The following CNIH1 variants were observed in gnomAD, a reference collection of about 807,000 sequenced individuals.
CNIH1 encodes the protein protein cornichon homolog 1.
CNIH1 carries 12 observed loss-of-function variants against 20.2 expected under a neutral mutation model. The ratio of observed to expected loss-of-function variants is 0.59; its 90% CI spans 0.38 to 0.96. The LOEUF is 0.96. Ranked by LOEUF, CNIH1 falls within the 40% of genes least tolerant of loss-of-function variation. The probability of loss-of-function intolerance (pLI) is 0.00; values close to 1 mark genes in which losing one functional copy is unlikely to be tolerated. For missense variants in CNIH1, 152 were observed against 178.8 expected (o/e 0.85, Z 0.85); for synonymous variants, 69 against 63.3 (o/e 1.09, Z -0.43).
intron 3 of CNIH1, among the ~76,000 whole-genome samples, chr14:54,430,780 C>T (rs2030926117): frequency 6.6e-6 from 1 of 152,128 alleles, no homozygotes; most frequent in African/African-American, 2.4e-5. Flanking sequence ...TTTGCTTTCT[C>T]CTTCTCTTTC....
chr14:54,436,597 A>G, intron 1 of CNIH1, 160 bp from the exon 2 acceptor site: 1 of 595,130 alleles, frequency 1.7e-6, no homozygotes, highest in Non-Finnish European at 3.0e-6. Context: ...GACAAAAAGA[A>G]CCAGAATGCG....
At chr14:54,430,502 TC>T in intron 3 of CNIH1, 98 bp from the exon 4 acceptor site, 1 of 1,164,302 alleles carries the variant, frequency 8.6e-7, no homozygotes, top group East Asian at 2.4e-5. Flanking sequence ...CGAGAGGTGG[TC>T]CATAAAGGGA....
In CNIH1 at chr14:54,424,579, A is replaced by G. The variant is rs2030790102; in HGVS notation, c.*3235T>C. The G allele has an allele frequency of 1.3e-5, 2 of 152,224 alleles. No homozygotes were observed. Among genetic ancestry groups the G allele is most frequent in the South Asian group, 2.1e-4 (1 of 4,834 alleles). The allele number at this position is 152,224 out of a possible 1,614,324, so 9.4% of individuals were successfully genotyped here. On this transcript the variant is annotated 3_prime_UTR_variant, in exon 5 of 5. Transcript: ENST00000216416. ...CACGAACTCTATTCATAAACATAGA[A>G]GGAGAAGAGAGGTGTTGTACAAAGG...
At chr14:54,431,014 G>C (rs919267356) in intron 3 of CNIH1, among the ~76,000 whole-genome samples, 1 of 151,720 alleles carries the variant, frequency 6.6e-6, no homozygotes, top group African/African-American at 2.4e-5. Context: ...TTTGTAGAGG[G>C]GGGTTTTGCC....
At position 54,430,316 on chromosome 14, in the gene CNIH1, C is replaced by T. The variant is rs1204225671; in HGVS notation, c.352G>A (p.Glu118Lys). Residue 118 changes from glutamate (E) to lysine (K), a missense_variant, in exon 4 of 5, where the codon GAA (glutamate) becomes AAA (lysine). By Grantham distance (56) the Glu-to-Lys change is moderately conservative. Around this residue, in one of 3 missense-constraint regions of CNIH1, gnomAD observed 27 missense variants for 55.4 expected, o/e 0.49. Transcript: ENST00000216416. ...TAAAAAGCTAATTTGCACCATCCTTCCTTCTGACAATATGCTAGAATATCT... is the reference window on the plus strand; with the variant it reads ...TAAAAAGCTAATTTGCACCATCCTTTCTTCTGACAATATGCTAGAATATCT... ...NADILAYCQK[E>K]GWCKLAFYLL... The T allele has an allele frequency of 6.2e-7, 1 of 1,614,004 alleles. No individual in the cohort carries two copies. The highest frequency in any genetic ancestry group is 8.5e-7 in the Non-Finnish European group (1 of 1,179,970).
At chr14:54,432,523 A>G (rs2030969923) in intron 2 of CNIH1, among the ~76,000 whole-genome samples, 1 of 152,262 alleles carries the variant, frequency 6.6e-6, no homozygotes, top group Admixed American at 6.5e-5. Flanking sequence ...ATTGTTAAAC[A>G]ATATGCTAGT....
rs2030834409 is a variant in CNIH1, at chr14:54,426,728, G to A, written c.*1086C>T. 1 of 152,090 alleles carries A rather than the reference G, an allele frequency of 6.6e-6. No homozygotes were observed. The highest frequency in any genetic ancestry group is 1.5e-5 in the Non-Finnish European group (1 of 68,000). The allele number at this position is 152,090 out of a possible 1,614,324, so 9.4% of individuals were successfully genotyped here. A position where few individuals can be genotyped will look rare whatever the true frequency, so the allele number is the denominator to read the frequency against. Reference sequence around the variant, plus strand: ...GAAATGATGATGCTATGCCATCCACGTTTATGAATCTTGTCAAATGACAAA... The same window carrying A: ...GAAATGATGATGCTATGCCATCCACATTTATGAATCTTGTCAAATGACAAA... On this transcript the variant is annotated 3_prime_UTR_variant, in exon 5 of 5. Coordinates refer to ENST00000216416, the MANE Select transcript of CNIH1 (RefSeq NM_005776.3).
intron 3 of CNIH1, among the ~76,000 whole-genome samples, chr14:54,431,472 T>C (rs558164533): frequency 6.6e-6 from 1 of 152,322 alleles, no homozygotes; most frequent in African/African-American, 2.4e-5. Context: ...GTAGACCTGA[T>C]AACACTTTAC....
chr14:54,426,936 A>C lies in CNIH1; in HGVS notation c.*878T>G, dbSNP rs2030838305. ...AAACAATGCACTGAAAGTGAGTCTT[A>C]ATTTCAGAGTTTTATTGTATTGCAC... On this transcript the variant is annotated 3_prime_UTR_variant, in exon 5 of 5. Coordinates refer to ENST00000216416, the MANE Select transcript of CNIH1 (RefSeq NM_005776.3). 6.6e-6 allele frequency: 1 copy of C among 152,160 alleles called. No individual in the cohort carries two copies. The highest frequency in any genetic ancestry group is 1.5e-5 in the Non-Finnish European group (1 of 67,998). 9.4% of individuals were successfully genotyped at this position (152,160 alleles called of 1,614,324 possible).
At chr14:54,435,979 G>T in intron 2 of CNIH1, 2 of 653,038 alleles carry the variant, frequency 3.1e-6, no homozygotes, top group South Asian at 3.3e-5. Context: ...ACAGGCATAT[G>T]AACGAGCACA....
At chr14:54,439,161 T>C (rs570651413) in intron 1 of CNIH1, among the ~76,000 whole-genome samples, 7 of 152,162 alleles carry the variant, frequency 4.6e-5, no homozygotes, top group Non-Finnish European at 8.8e-5. Context: ...ATGATAAACA[T>C]AAGGTTATAT....
At position 54,425,678 on chromosome 14, in the gene CNIH1, T is replaced by C. The variant is rs2030814115; in HGVS notation, c.*2136A>G. Reference sequence around the variant, plus strand: ...TTAGGAGAGCAGGTACTCAATCTTTTAATCACTTACATGCCTAGGAACTCA... The same window carrying C: ...TTAGGAGAGCAGGTACTCAATCTTTCAATCACTTACATGCCTAGGAACTCA... On this transcript the variant is annotated 3_prime_UTR_variant, in exon 5 of 5. Coordinates refer to ENST00000216416, the MANE Select transcript of CNIH1 (RefSeq NM_005776.3). 6.6e-6 allele frequency: 1 copy of C among 152,206 alleles called. No homozygotes were observed. Among genetic ancestry groups the C allele is most frequent in the Admixed American group, 6.5e-5 (1 of 15,284 alleles). The allele number at this position is 152,206 out of a possible 1,614,324, so 9.4% of individuals were successfully genotyped here. A position where few individuals can be genotyped will look rare whatever the true frequency, so the allele number is the denominator to read the frequency against.
intron 3 of CNIH1, among the ~76,000 whole-genome samples, chr14:54,430,868 G>A (rs2030928450): frequency 6.6e-6 from 1 of 151,958 alleles, no homozygotes. Context: ...GTCTTACCCT[G>A]TAACCCAGGC....
chr14:54,435,868 C>T (rs1211819852), intron 2 of CNIH1, among the ~76,000 whole-genome samples: 2 of 152,150 alleles, frequency 1.3e-5, no homozygotes, highest in Non-Finnish European at 2.9e-5. Context: ...ATGGCTATAA[C>T]ATAAAAAAAC....
At chr14:54,439,160 A>G (rs1425153211) in intron 1 of CNIH1, among the ~76,000 whole-genome samples, 1 of 152,248 alleles carries the variant, frequency 6.6e-6, no homozygotes, top group Admixed American at 6.5e-5. Flanking sequence ...GATGATAAAC[A>G]TAAGGTTATA....
rs1336633839 is a variant in CNIH1 at position 54,424,876 on chromosome 14, A to G, written c.*2938T>C. 2 of 152,150 alleles carry G rather than the reference A, an allele frequency of 1.3e-5. No individual in the cohort carries two copies. The highest frequency in any genetic ancestry group is 3.9e-4 in the East Asian group (2 of 5,130). 9.4% of individuals were successfully genotyped at this position (152,150 alleles called of 1,614,324 possible). The stretch of plus-strand genomic sequence containing the variant: ...TCATGGTACAATCAGTGAGGCTAGG[A>G]AACTATTACTTATACTCGATCCATA... On this transcript the variant is annotated 3_prime_UTR_variant, in exon 5 of 5. Coordinates refer to ENST00000216416, the MANE Select transcript of CNIH1 (RefSeq NM_005776.3).
At chr14:54,430,205 G>A (rs2030905984) in intron 4 of CNIH1, 56 bp downstream of exon 4, 5 of 1,570,854 alleles carry the variant, frequency 3.2e-6, no homozygotes, top group Non-Finnish European at 4.4e-6. Flanking sequence ...CATAATGCCT[G>A]CAAACTTTTA....
Position 54,432,334 on chromosome 14 carries a change from C to T in CNIH1, c.151-114G>A, listed in dbSNP as rs575534668. On this transcript the variant is annotated intron_variant, in intron 2 of 4. Coordinates refer to ENST00000216416, the MANE Select transcript of CNIH1 (RefSeq NM_005776.3). ...AATGAAAAATCACTGTTTTCTTAGA[C>T]TCAGAAATAAAAGATGCTACTGAGT... 1.9e-4 allele frequency: 102 copies of T among 528,666 alleles called. No individual in the cohort carries two copies. In the South Asian group the frequency reaches 2.6e-3, roughly 13 times the overall value. The allele number at this position is 528,666 out of a possible 1,614,324, so 32.7% of individuals were successfully genotyped here.
chr14:54,432,700 C>T (rs953692259), intron 2 of CNIH1, among the ~76,000 whole-genome samples: 1 of 152,184 alleles, frequency 6.6e-6, no homozygotes, highest in African/African-American at 2.4e-5. Flanking sequence ...ATGCTACATA[C>T]ACAATATTTA....
Sources: allele counts gnomAD v4.1 joint callset (sites outside exome capture counted in the v4.1 genomes callset), GRCh38; gene constraint gnomAD v4.1.1; regional missense constraint gnomAD v4.1.1; transcripts MANE v1.5; gene names NCBI Gene and HGNC (gene_info 2026-07-23, HGNC 2026-07-21).